Variants in PALLD observed in about 807,000 individuals in gnomAD.
PALLD encodes the protein palladin, cytoskeletal associated protein.
PALLD carries 61 observed loss-of-function variants against 123.5 expected under a neutral mutation model. The observed-to-expected ratio is 0.49, with a 90% CI of 0.40 to 0.61. The LOEUF is 0.61. Ranked by LOEUF, PALLD falls within the 20% of genes least tolerant of loss-of-function variation. The pLI is 0.00. For missense variants in PALLD, 1,273 were observed against 1,377.0 expected, an observed-to-expected ratio of 0.92 and a Z score of 1.20; for synonymous variants, 465 against 496.4, an observed-to-expected ratio of 0.94 and a Z score of 0.84.
chr4:168,563,709 T>A (rs1020460388), intron 2 of PALLD, among the ~76,000 whole-genome samples: 3 of 152,192 alleles, frequency 2.0e-5, no homozygotes, highest in Non-Finnish European at 4.4e-5. Context: ...TTTTGCTTGA[T>A]GTGATGTGAG....
intron 10 of PALLD, among the ~76,000 whole-genome samples, chr4:168,864,884 G>A (rs969553934): frequency 2.0e-5 from 3 of 152,138 alleles, no homozygotes; most frequent in Non-Finnish European, 4.4e-5. Context: ...TTGACAGAAC[G>A]CCAGATGAAT....
At chr4:168,624,100 CA>C (rs1282053997) in intron 2 of PALLD, among the ~76,000 whole-genome samples, 13 of 152,078 alleles carry the variant, frequency 8.5e-5, no homozygotes, top group African/African-American at 2.9e-4. Context: ...AGAAACATTA[CA>C]AATAATATTT....
chr4:168,731,393 C>A (rs536701825), intron 10 of PALLD, among the ~76,000 whole-genome samples: 3 of 152,184 alleles, frequency 2.0e-5, no homozygotes, highest in Admixed American at 1.3e-4. Context: ...CTCCCCTATT[C>A]CCAAGCTAGA....
intron 2 of PALLD, among the ~76,000 whole-genome samples, chr4:168,571,737 T>A (rs1260490703): frequency 6.6e-6 from 1 of 152,192 alleles, no homozygotes; most frequent in Non-Finnish European, 1.5e-5. Context: ...GCTATGAACA[T>A]CAGCCTTCCA....
At chr4:168,781,444 T>G (rs1735910075) in intron 10 of PALLD, among the ~76,000 whole-genome samples, 1 of 152,142 alleles carries the variant, frequency 6.6e-6, no homozygotes, top group Non-Finnish European at 1.5e-5. Flanking sequence ...TTGCTCAGCA[T>G]GGCTGGTGTG....
intron 2 of PALLD, among the ~76,000 whole-genome samples, chr4:168,657,212 C>G (rs1778668596): frequency 6.6e-6 from 1 of 152,204 alleles, no homozygotes; most frequent in Non-Finnish European, 1.5e-5. Flanking sequence ...CCATATTTCT[C>G]TCTCAGAAAT....
chr4:168,896,330 C>A (rs146894478), intron 12 of PALLD, among the ~76,000 whole-genome samples: 1 of 152,102 alleles, frequency 6.6e-6, no homozygotes, highest in Non-Finnish European at 1.5e-5. Context: ...AATCATCTAA[C>A]ACAAAGCCTA....
chr4:168,567,542 G>GGGGTGT (rs1768521431), intron 2 of PALLD, among the ~76,000 whole-genome samples: 1 of 145,514 alleles, frequency 6.9e-6, no homozygotes, highest in African/African-American at 2.5e-5. Context: ...AAGAAAATGT[G>GGGGTGT]GTGTGTGTGT....
At chr4:168,739,209 A>G (rs1391275816) in intron 10 of PALLD, among the ~76,000 whole-genome samples, 2 of 152,218 alleles carry the variant, frequency 1.3e-5, no homozygotes, top group Non-Finnish European at 2.9e-5. Flanking sequence ...TATCTTGGCT[A>G]CAGTGCTGCA....
intron 10 of PALLD, among the ~76,000 whole-genome samples, chr4:168,810,657 A>C (rs1342209506): frequency 7.6e-6 from 1 of 130,996 alleles, no homozygotes; most frequent in Non-Finnish European, 1.7e-5. Context: ...AAAAAAAAAA[A>C]GAAGGCCGGG....
At chr4:168,614,058 C>G (rs908128542) in intron 2 of PALLD, among the ~76,000 whole-genome samples, 3 of 152,158 alleles carry the variant, frequency 2.0e-5, no homozygotes, top group African/African-American at 7.2e-5. Flanking sequence ...TAAGTAATGT[C>G]CATCAGATGT....
rs1217332188 is a variant in PALLD, at chr4:168,846,441, A to C, written c.1965-44481A>C. The stretch of plus-strand genomic sequence containing the variant: ...TGATCAACAAAGAGTTCCTTTTATA[A>C]GATGAGAACGGCATGGAATTATTTC... On this transcript the variant is annotated intron_variant, in intron 10 of 21. Transcript: ENST00000505667. Among the ~76,000 whole-genome samples the C allele has an allele frequency of 2.6e-5, 4 of 152,366 alleles. No individual in the cohort carries two copies. In the South Asian group the frequency reaches 6.2e-4, roughly 24 times the overall value.
chr4:168,909,763 A>G (rs541174805), intron 15 of PALLD, among the ~76,000 whole-genome samples: 2 of 152,324 alleles, frequency 1.3e-5, no homozygotes, highest in African/African-American at 2.4e-5. Flanking sequence ...TGCTAATTCT[A>G]TATGACCTTT....
intron 2 of PALLD, among the ~76,000 whole-genome samples, chr4:168,571,154 C>T (rs1412595911): frequency 6.6e-6 from 1 of 152,156 alleles, no homozygotes; most frequent in East Asian, 1.9e-4. Flanking sequence ...CCGTTGCCTT[C>T]TTTACCATTC....
chr4:168,543,458 G>C (rs1765841684), intron 2 of PALLD, among the ~76,000 whole-genome samples: 1 of 151,526 alleles, frequency 6.6e-6, no homozygotes, highest in Non-Finnish European at 1.5e-5. Context: ...CACAATCTCT[G>C]TAAGTTTTCC....
chr4:168,516,224 T>C (rs1371505500), intron 2 of PALLD, among the ~76,000 whole-genome samples: 1 of 152,206 alleles, frequency 6.6e-6, no homozygotes, highest in African/African-American at 2.4e-5. Context: ...ATATTAACAA[T>C]TTGAATTACT....
At chr4:168,795,185 G>A (rs1303838063) in intron 10 of PALLD, among the ~76,000 whole-genome samples, 3 of 152,104 alleles carry the variant, frequency 2.0e-5, no homozygotes, top group Non-Finnish European at 1.5e-5. Flanking sequence ...GAATTATAGG[G>A]ACACACAAAC....
chr4:168,748,801 C>A (rs1438738106), intron 10 of PALLD, among the ~76,000 whole-genome samples: 1 of 152,214 alleles, frequency 6.6e-6, no homozygotes, highest in South Asian at 2.1e-4. Flanking sequence ...GAGGCCACTC[C>A]AGTTATCTGC....
At chr4:168,603,675 C>T (rs961437927) in intron 2 of PALLD, among the ~76,000 whole-genome samples, 3 of 152,044 alleles carry the variant, frequency 2.0e-5, no homozygotes, top group Non-Finnish European at 4.4e-5. Flanking sequence ...TCATTCTCTT[C>T]GTTAAAAATG....
Sources: allele counts gnomAD v4.1 joint callset (sites outside exome capture counted in the v4.1 genomes callset), GRCh38; gene constraint gnomAD v4.1.1; transcripts MANE v1.5; gene names NCBI Gene and HGNC (gene_info 2026-07-23, HGNC 2026-07-21).